Variants in DDX11 observed in about 807,000 individuals in gnomAD.
The protein encoded by DDX11 is DEAD/H-box helicase 11, also known as ATP-dependent DNA helicase DDX11.
A neutral mutation model predicts 125.2 loss-of-function variants in DDX11; 72 were observed. The ratio of observed to expected loss-of-function variants is 0.58; its 90% CI spans 0.48 to 0.70. The LOEUF (loss-of-function observed/expected upper bound fraction) is 0.70. DDX11 is among the 30% of genes least tolerant of loss of function. DDX11 has a pLI of 0.00. For synonymous variants in DDX11, 347 were observed against 452.6 expected (o/e 0.77, Z 2.96); for missense variants, 883 against 1,165.0 (o/e 0.76, Z 3.52).
chr12:31,101,704 C>T lies in DDX11; in HGVS notation c.2053-129C>T, dbSNP rs1439568352. ...TGGTTCCCACCCAGGGGAGCCAAGT[C>T]CTCTTCCTTGGCTGTAGTCCTGCCG... On this transcript the variant is annotated intron_variant, in intron 20 of 26. Coordinates refer to ENST00000542838, the MANE Select transcript of DDX11 (RefSeq NM_030653.4). 4.6e-6 allele frequency: 6 copies of T among 1,313,162 alleles called. No individual in the cohort carries two copies. In the African/African-American group the frequency reaches 8.8e-5, roughly 19 times the overall value. The allele number at this position is 1,313,162 out of a possible 1,614,324, so 81.3% of individuals were successfully genotyped here. A position where few individuals can be genotyped will look rare whatever the true frequency, so the allele number is the denominator to read the frequency against.
rs578019303 is a variant in DDX11 at position 31,096,951 on chromosome 12, A to G, written c.1723A>G (p.Thr575Ala). ...CCAAGGCTTCCTGGCAGCTCTCACT[A>G]CGGCCAACCAGGACGGCAGGGTCAT... ...HIQGFLAALT[T>A]ANQDGRVILS... The change falls in exon 17 of 27, where the codon ACG becomes GCG. Residue 575 changes from threonine to alanine, a missense_variant. Physicochemically the swap from Thr to Ala is moderately conservative, Grantham distance 58 (BLOSUM62 0). Coordinates refer to ENST00000542838, the MANE Select transcript of DDX11 (RefSeq NM_030653.4). 1.9e-5 allele frequency: 30 copies of G among 1,613,972 alleles called. No homozygotes were observed. The Admixed American group carries it at 3.5e-4, about 19-fold the overall frequency.
intron 1 of DDX11, among the ~76,000 whole-genome samples, chr12:31,075,451 A>C (rs1011726571): frequency 3.3e-5 from 5 of 151,996 alleles, no homozygotes; most frequent in African/African-American, 1.2e-4. Context: ...TCAAATCCTG[A>C]GTTCAAGCAC....
intron 2 of DDX11, among the ~76,000 whole-genome samples, chr12:31,083,383 G>A (rs1035237177): frequency 6.6e-5 from 10 of 151,158 alleles, no homozygotes; most frequent in African/African-American, 4.9e-5. Context: ...CTGTATCCAC[G>A]CACGAGCTGC....
rs527703083 is a variant in DDX11 at position 31,084,838 on chromosome 12, C to T, written c.481-131C>T. 12 of 1,180,194 alleles carry T rather than the reference C, an allele frequency of 1.0e-5. No individual in the cohort carries two copies. The East Asian group carries it at 1.5e-4, about 15-fold the overall frequency. 73.1% of individuals were successfully genotyped at this position (1,180,194 alleles called of 1,614,324 possible). ...TGGTTGAGGCGTGGATCCTAGGAGTCGACCTCTCTCCAGCCAGGCAGCCAG... is the reference window on the plus strand; with the variant it reads ...TGGTTGAGGCGTGGATCCTAGGAGTTGACCTCTCTCCAGCCAGGCAGCCAG... On this transcript the variant is annotated intron_variant, in intron 4 of 26. Coordinates refer to ENST00000542838, the MANE Select transcript of DDX11 (RefSeq NM_030653.4).
intron 17 of DDX11, among the ~76,000 whole-genome samples, chr12:31,097,405 C>T (rs546688074): frequency 4.0e-5 from 6 of 149,112 alleles, no homozygotes; most frequent in East Asian, 2.0e-4. Context: ...ATAGGCCGGG[C>T]GCGGTGGCTC....
In DDX11 at chr12:31,100,975, C is replaced by G. The variant is rs537307763; in HGVS notation, c.1949-52C>G. On this transcript the variant is annotated intron_variant, in intron 19 of 26. Transcript: ENST00000542838. ...CAGGGAAATGCCCTCTCTGCAGTGT[C>G]TTGCAGCACACCTGCATCTCCAGTT... 4.1e-5 allele frequency: 61 copies of G among 1,503,938 alleles called. No individual in the cohort carries two copies. In the East Asian group the frequency reaches 1.3e-3, roughly 32 times the overall value. 93.2% of individuals were successfully genotyped at this position (1,503,938 alleles called of 1,614,324 possible).
chr12:31,074,539 G>A (rs1940421136), intron 1 of DDX11, among the ~76,000 whole-genome samples: 1 of 152,204 alleles, frequency 6.6e-6, no homozygotes, highest in South Asian at 2.1e-4. Flanking sequence ...TGACCAGATT[G>A]TTGACGGAAG....
rs1251090142 is a variant in DDX11 at position 31,078,443 on chromosome 12, T to C, written c.50T>C (p.Phe17Ser). Residue 17 changes from phenylalanine (F) to serine (S), a missense_variant, in exon 2 of 27, where the codon TTC (phenylalanine) becomes TCC (serine). By Grantham distance (155) the Phe-to-Ser change is radical. This residue lies in a region of DDX11 where 283 missense variants were observed against 359.6 expected (regional missense o/e 0.79). Coordinates refer to ENST00000542838, the MANE Select transcript of DDX11 (RefSeq NM_030653.4). Reference protein sequence around the residue: ...KVGAIHFPFPFTPYSIQEDFM... With the variant: ...KVGAIHFPFPSTPYSIQEDFM... ...GGTGCCATCCATTTTCCTTTTCCCTTCACACCCTATTCCATCCAGGAAGAC... is the reference window on the plus strand; with the variant it reads ...GGTGCCATCCATTTTCCTTTTCCCTCCACACCCTATTCCATCCAGGAAGAC... The C allele has an allele frequency of 6.2e-7, 1 of 1,610,484 alleles. No individual in the cohort carries two copies. The highest frequency in any genetic ancestry group is 2.2e-5 in the East Asian group (1 of 44,852).
At chr12:31,080,728 A>G (rs907298062) in intron 2 of DDX11, among the ~76,000 whole-genome samples, 10 of 152,144 alleles carry the variant, frequency 6.6e-5, no homozygotes, top group Admixed American at 1.3e-4. Flanking sequence ...TGGAACACAG[A>G]TGAGTGCATG....
intron 1 of DDX11, among the ~76,000 whole-genome samples, chr12:31,074,661 G>C (rs1486826186): frequency 6.6e-6 from 1 of 152,246 alleles, no homozygotes; most frequent in Admixed American, 6.5e-5. Flanking sequence ...GTGGGAATGC[G>C]GGTATTATGG....
chr12:31,093,877 G>T (rs1326448040), intron 12 of DDX11, among the ~76,000 whole-genome samples: 4 of 148,396 alleles, frequency 2.7e-5, no homozygotes, highest in Non-Finnish European at 5.9e-5. Context: ...GCCCTGCTCT[G>T]GGGGGATATT....
chr12:31,094,166 A>G, intron 12 of DDX11: 1 of 289,530 alleles, frequency 3.5e-6, no homozygotes, highest in South Asian at 3.7e-5. Flanking sequence ...CGTCTGTGGA[A>G]GTGGAAGCTG....
chr12:31,076,604 C>G (rs1241892339), intron 1 of DDX11, among the ~76,000 whole-genome samples: 1 of 152,250 alleles, frequency 6.6e-6, no homozygotes, highest in East Asian at 1.9e-4. Context: ...GCATCAGTAT[C>G]CAGTAGCTGT....
rs1290582215 is a variant in DDX11, at chr12:31,103,348, A to G, written c.2489A>G (p.Lys830Arg). Residue 830 changes from lysine (K) to arginine (R), a missense_variant, in exon 25 of 27, where the codon AAG becomes AGG. By Grantham distance (26) the Lys-to-Arg change is conservative (BLOSUM62 2). Around this residue, in one of 5 missense-constraint regions of DDX11, gnomAD observed 285 missense variants for 346.0 expected, o/e 0.82. Transcript: ENST00000542838. ...GCCCCCGGCCAGGCACCCCCAGGGAAGGCTCTGGTGGAGAACCTGTGCATG... is the reference window on the plus strand; with the variant it reads ...GCCCCCGGCCAGGCACCCCCAGGGAGGGCTCTGGTGGAGAACCTGTGCATG... ...PRAPGQAPPG[K>R]ALVENLCMKA... The G allele has an allele frequency of 6.2e-7, 1 of 1,611,164 alleles. No individual in the cohort carries two copies. Among genetic ancestry groups the G allele is most frequent in the Non-Finnish European group, 8.5e-7 (1 of 1,179,666 alleles).
Position 31,102,326 on chromosome 12 carries a change from C to G in DDX11, c.2271+15C>G, listed in dbSNP as rs1365939919. On this transcript the variant is annotated intron_variant, in intron 22 of 26. Coordinates refer to ENST00000542838, the MANE Select transcript of DDX11 (RefSeq NM_030653.4). ...GGTGCATCCAGGTGCGGGCGTCATG[C>G]TGGGCTTGGGTCTGAGATCGTGTGG... is the stretch of plus-strand genomic sequence containing the variant. The G allele has an allele frequency of 1.9e-6, 3 of 1,613,428 alleles. No homozygotes were observed. Among genetic ancestry groups the G allele is most frequent in the Admixed American group, 1.7e-5 (1 of 60,012 alleles).
In DDX11 at chr12:31,078,218, G is replaced by A. The variant is rs542177518; in HGVS notation, c.-4-172G>A. 7.6e-5 allele frequency: 117 copies of A among 1,540,304 alleles called. No homozygotes were observed. In the East Asian group the frequency reaches 2.8e-3, roughly 37 times the overall value. On this transcript the variant is annotated intron_variant, in intron 1 of 26. Transcript: ENST00000542838. Reference sequence around the variant, plus strand: ...AGATGGAGTGCGTGATTCTGGTATGGCCTCACGTGGACCTGCTGCGAAGGA... The same window carrying A: ...AGATGGAGTGCGTGATTCTGGTATGACCTCACGTGGACCTGCTGCGAAGGA...
chr12:31,094,554 A>G, intron 12 of DDX11, 36 bp from the exon 13 acceptor site: 1 of 1,563,340 alleles, frequency 6.4e-7, no homozygotes, highest in South Asian at 1.2e-5. Context: ...GGTCCTGAGA[A>G]CCAGCATTGT....
In DDX11 at chr12:31,103,414, A is replaced by G. The variant is rs200574419; in HGVS notation, c.2536+19A>G. 257 of 1,603,336 alleles carry G rather than the reference A, an allele frequency of 1.6e-4. No individual in the cohort carries two copies. In the African/African-American group the frequency reaches 2.9e-3, roughly 18 times the overall value. The stretch of plus-strand genomic sequence containing the variant: ...TCCATAGGTGAGCCTGGCTGCCTCC[A>G]GCTGGGTGGACAGATGGGGGCTGGA... On this transcript the variant is annotated intron_variant, in intron 25 of 26. Transcript: ENST00000542838.
intron 14 of DDX11, among the ~76,000 whole-genome samples, chr12:31,095,237 A>G (rs1945018555): frequency 6.6e-6 from 1 of 152,242 alleles, no homozygotes; most frequent in South Asian, 2.1e-4. Context: ...AGCGCTCCCC[A>G]GATGAAACAC....
Sources: allele counts gnomAD v4.1 joint callset (sites outside exome capture counted in the v4.1 genomes callset), GRCh38; gene constraint gnomAD v4.1.1; regional missense constraint gnomAD v4.1.1; transcripts MANE v1.5; gene names NCBI Gene and HGNC (gene_info 2026-07-23, HGNC 2026-07-21).